The following HIVEP1 variants were observed in gnomAD, a reference collection of about 807,000 sequenced individuals.
The protein encoded by HIVEP1 is zinc finger protein 40.
In HIVEP1, 36 loss-of-function variants were observed where a neutral mutation model predicts 180.0. The ratio of observed to expected loss-of-function variants is 0.20; its 90% CI spans 0.15 to 0.26. HIVEP1 has a LOEUF of 0.26. HIVEP1 is among the 10% of genes least tolerant of loss of function. The probability of loss-of-function intolerance (pLI) is 1.00; values close to 1 mark genes in which losing one functional copy is unlikely to be tolerated. For missense variants in HIVEP1, 3,143 were observed against 3,268.7 expected (o/e 0.96, Z 0.94); for synonymous variants, 1,239 against 1,239.0 (o/e 1.00, Z 0.00).
the HIVEP1 span, among the ~76,000 whole-genome samples, chr6:12,209,495 C>A: frequency 6.6e-6 from 1 of 152,172 alleles, no homozygotes; most frequent in Non-Finnish European, 1.5e-5. Flanking sequence ...ATATAATGTA[C>A]TTATTTAAAC....
chr6:12,177,565 T>G, the HIVEP1 span, among the ~76,000 whole-genome samples: 2 of 152,226 alleles, frequency 1.3e-5, no homozygotes, highest in African/African-American at 4.8e-5. Context: ...AGGACCTGTG[T>G]AGCCTGTATT....
At chr6:12,040,881 T>C (rs943178637) in intron 2 of HIVEP1, among the ~76,000 whole-genome samples, 3 of 139,686 alleles carry the variant, frequency 2.1e-5, no homozygotes, top group African/African-American at 8.1e-5. Context: ...TGAAGAGTGG[T>C]GGGGGGGACG....
upstream of HIVEP1, among the ~76,000 whole-genome samples, chr6:12,011,621 C>A (rs1451098222): frequency 6.7e-6 from 1 of 149,824 alleles, no homozygotes; most frequent in Non-Finnish European, 1.5e-5. Context: ...CCTCCCGTCC[C>A]TGCGGCGGCT....
upstream of HIVEP1, among the ~76,000 whole-genome samples, chr6:12,010,868 T>G (rs1767238387): frequency 6.6e-6 from 1 of 152,154 alleles, no homozygotes; most frequent in East Asian, 1.9e-4. Context: ...TGCTAATTAC[T>G]CCCTCTTCCC....
chr6:12,128,070 A>G (rs1001434587), intron 4 of HIVEP1, among the ~76,000 whole-genome samples: 4 of 152,220 alleles, frequency 2.6e-5, no homozygotes, highest in African/African-American at 9.7e-5. Flanking sequence ...GTAAAGACTA[A>G]GATTTTGGCA....
intron 2 of HIVEP1, among the ~76,000 whole-genome samples, chr6:12,070,736 A>T (rs1404224108): frequency 6.6e-6 from 1 of 152,220 alleles, no homozygotes; most frequent in Non-Finnish European, 1.5e-5. Context: ...CTCTACCAGT[A>T]GGAAAACACC....
intron 7 of HIVEP1, among the ~76,000 whole-genome samples, chr6:12,150,241 A>G (rs760222228): frequency 4.6e-5 from 7 of 152,178 alleles, no homozygotes; most frequent in Non-Finnish European, 8.8e-5. Context: ...TAGTGACTAC[A>G]TTTTAGTTTT....
intron 2 of HIVEP1, among the ~76,000 whole-genome samples, chr6:12,048,085 G>C (rs1770254053): frequency 6.6e-6 from 1 of 152,178 alleles, no homozygotes; most frequent in Admixed American, 6.5e-5. Context: ...TAGCTTTCAT[G>C]ACCATGGGCT....
At chr6:12,011,632 C>T (rs1205811141), upstream of HIVEP1, among the ~76,000 whole-genome samples, 3 of 148,610 alleles carry the variant, frequency 2.0e-5, no homozygotes, top group African/African-American at 4.9e-5. Flanking sequence ...TGCGGCGGCT[C>T]GGCCGGGCGG....
At chr6:12,060,824 A>G (rs1771180473) in intron 2 of HIVEP1, among the ~76,000 whole-genome samples, 1 of 152,218 alleles carries the variant, frequency 6.6e-6, no homozygotes, top group Non-Finnish European at 1.5e-5. Flanking sequence ...CGGATGCAGA[A>G]TAAGAAGAAT....
chr6:12,082,193 G>A (rs1167635968), intron 2 of HIVEP1, among the ~76,000 whole-genome samples: 2 of 152,098 alleles, frequency 1.3e-5, no homozygotes, highest in African/African-American at 4.8e-5. Flanking sequence ...TTAAAAGAAT[G>A]TATACAGTCT....
chr6:12,105,092 T>A (rs1485896264), intron 3 of HIVEP1, among the ~76,000 whole-genome samples: 1 of 152,256 alleles, frequency 6.6e-6, no homozygotes, highest in Non-Finnish European at 1.5e-5. Flanking sequence ...AAAGAAGATT[T>A]CAGTTTTCTT....
At chr6:12,038,678 GA>G (rs1229424868) in intron 2 of HIVEP1, 1 of 151,700 alleles carries the variant, frequency 6.6e-6, no homozygotes, top group Non-Finnish European at 1.5e-5. Context: ...TCTCAACAAC[GA>G]CAACAACAAC....
chr6:12,205,198 G>A, the HIVEP1 span, among the ~76,000 whole-genome samples: 5 of 152,180 alleles, frequency 3.3e-5, no homozygotes, highest in Admixed American at 6.5e-5. Context: ...GCGGCTGGGC[G>A]CGGTGGCTCA....
At chr6:12,196,276 T>G in the HIVEP1 span, among the ~76,000 whole-genome samples, 2 of 152,256 alleles carry the variant, frequency 1.3e-5, no homozygotes, top group Admixed American at 1.3e-4. Flanking sequence ...AGAAGCTTCC[T>G]CTAGTAGAAG....
intron 2 of HIVEP1, among the ~76,000 whole-genome samples, chr6:12,070,307 C>T (rs769036658): frequency 2.0e-5 from 3 of 152,118 alleles, no homozygotes; most frequent in Non-Finnish European, 4.4e-5. Context: ...ACTGGCAGTG[C>T]AGTGGGTTTG....
Position 12,164,176 on chromosome 6 carries a change from T to A in HIVEP1, c.7872T>A (p.His2624Gln). The A allele has an allele frequency of 6.2e-7, 1 of 1,614,196 alleles. No individual in the cohort carries two copies. Among genetic ancestry groups the A allele is most frequent in the Non-Finnish European group, 8.5e-7 (1 of 1,180,032 alleles). ...ATCCACCTGCCCCTGCAGGTGACCATGCAAGGCTTGATGGCCTGAGTAAAA... is the reference window on the plus strand; with the variant it reads ...ATCCACCTGCCCCTGCAGGTGACCAAGCAAGGCTTGATGGCCTGAGTAAAA... ...VLNPPAPAGD[H>Q]ARLDGLSKMD... Residue 2624 changes from histidine (H) to glutamine (Q), a missense_variant, in exon 9 of 9, where the codon CAT becomes CAA. Transcript: ENST00000379388.
chr6:12,082,779 C>T (rs904489520), intron 2 of HIVEP1, among the ~76,000 whole-genome samples: 1 of 152,118 alleles, frequency 6.6e-6, no homozygotes, highest in Non-Finnish European at 1.5e-5. Flanking sequence ...CCCTAAGTTC[C>T]TGCATGCAGG....
rs1352401213 is a variant in HIVEP1, at chr6:12,124,538, G to C, written c.4743G>C (p.Leu1581Phe). 6.2e-7 allele frequency: 1 copy of C among 1,614,036 alleles called. No individual in the cohort carries two copies. The highest frequency in any genetic ancestry group is 2.2e-5 in the East Asian group (1 of 44,880). Residue 1581 changes from leucine (L) to phenylalanine (F), a missense_variant, in exon 4 of 9, where the codon TTG becomes TTC. Leu to Phe is a conservative substitution (Grantham distance 22). Transcript: ENST00000379388. ...PSCSSNPVHSLPNQVISDPVG... is the reference protein window; with the variant it reads ...PSCSSNPVHSFPNQVISDPVG... ...GCTCTTCTAATCCTGTGCATTCTTT[G>C]CCAAATCAAGTTATTTCAGATCCAG...
Sources: allele counts gnomAD v4.1 joint callset (sites outside exome capture counted in the v4.1 genomes callset), GRCh38; gene constraint gnomAD v4.1.1; transcripts MANE v1.5; gene names NCBI Gene and HGNC (gene_info 2026-07-23, HGNC 2026-07-21).